DOCK1: variants seen among roughly 807,000 people sequenced by gnomAD.
DOCK1 encodes dedicator of cytokinesis 1.
A neutral mutation model predicts 262.7 loss-of-function variants in DOCK1; 138 were observed. The observed-to-expected ratio is 0.53, with a 90% CI of 0.46 to 0.61. DOCK1 has a LOEUF of 0.61. Among genes scored for constraint, DOCK1 ranks in the 20% least tolerant of loss-of-function variants. The pLI is 0.00. For synonymous variants in DOCK1, 866 were observed against 867.4 expected (o/e 1.00, Z 0.03); for missense variants, 1,908 against 2,370.7 (o/e 0.80, Z 4.05).
chr10:127,165,856 C>G (rs1420516135), intron 27 of DOCK1, among the ~76,000 whole-genome samples: 1 of 152,034 alleles, frequency 6.6e-6, no homozygotes, highest in Non-Finnish European at 1.5e-5. Flanking sequence ...CAGATCCTTC[C>G]CAATACACTT....
chr10:126,992,556 A>G (rs1394211970), intron 6 of DOCK1, among the ~76,000 whole-genome samples: 1 of 152,166 alleles, frequency 6.6e-6, no homozygotes, highest in Non-Finnish European at 1.5e-5. Context: ...TTAATAAGGA[A>G]AAGATGTTTT....
At chr10:126,909,292 T>C (rs1233602904) in intron 1 of DOCK1, among the ~76,000 whole-genome samples, 2 of 152,126 alleles carry the variant, frequency 1.3e-5, no homozygotes, top group Non-Finnish European at 2.9e-5. Context: ...GCCAACACCC[T>C]GAATGAGCTT....
intron 29 of DOCK1, among the ~76,000 whole-genome samples, chr10:127,309,674 C>G (rs2135487667): frequency 6.6e-6 from 1 of 152,292 alleles, no homozygotes; most frequent in East Asian, 1.9e-4. Context: ...CCAGTTCTCT[C>G]AGCACCATTT....
chr10:127,330,780 C>G (rs186894927), intron 29 of DOCK1, among the ~76,000 whole-genome samples: 23 of 152,236 alleles, frequency 1.5e-4, no homozygotes, highest in Admixed American at 1.4e-3. Flanking sequence ...TATACATAAT[C>G]AATAAGCTAT....
chr10:126,996,912 A>G (rs764465209), intron 7 of DOCK1, 29 bp downstream of exon 7: 1 of 1,545,092 alleles, frequency 6.5e-7, no homozygotes, highest in Non-Finnish European at 8.7e-7. Context: ...TATGCCATTC[A>G]CGTTTTCTCA....
chr10:127,386,837 G>A (rs1430519899), intron 38 of DOCK1, among the ~76,000 whole-genome samples: 5 of 152,266 alleles, frequency 3.3e-5, no homozygotes, highest in East Asian at 3.9e-4. Flanking sequence ...GTTGGGGACC[G>A]CTGCTGTAGT....
chr10:127,038,910 G>C (rs2043836534), intron 19 of DOCK1, among the ~76,000 whole-genome samples: 1 of 152,170 alleles, frequency 6.6e-6, no homozygotes, highest in African/African-American at 2.4e-5. Context: ...AGTCGATTCT[G>C]TTTTTGGCTA....
intron 29 of DOCK1, among the ~76,000 whole-genome samples, chr10:127,285,145 A>G (rs2061103185): frequency 6.6e-6 from 1 of 152,180 alleles, no homozygotes. Flanking sequence ...CAACATAAAT[A>G]ATAAATCAAT....
intron 23 of DOCK1, among the ~76,000 whole-genome samples, chr10:127,092,397 C>T (rs543535946): frequency 2.2e-4 from 34 of 152,322 alleles, no homozygotes; most frequent in Non-Finnish European, 3.7e-4. Context: ...GCACTGGCCG[C>T]CCTCTGTGCC....
chr10:127,288,793 A>C (rs1209714200), intron 29 of DOCK1, among the ~76,000 whole-genome samples: 1 of 150,628 alleles, frequency 6.6e-6, no homozygotes, highest in Non-Finnish European at 1.5e-5. Flanking sequence ...ACACACACAC[A>C]CACACACACA....
intron 32 of DOCK1, among the ~76,000 whole-genome samples, chr10:127,357,455 C>T (rs535386363): frequency 6.6e-6 from 1 of 152,248 alleles, no homozygotes; most frequent in East Asian, 1.9e-4. Context: ...ACACTTGGGT[C>T]TGACACAGAG....
chr10:127,079,993 A>G (rs1291091236), intron 23 of DOCK1, among the ~76,000 whole-genome samples: 2 of 152,174 alleles, frequency 1.3e-5, no homozygotes, highest in Non-Finnish European at 1.5e-5. Flanking sequence ...TGTTAAATTC[A>G]GTGGAGCAAG....
In DOCK1 at chr10:127,350,061, C is replaced by A. The variant is rs1286938889; in HGVS notation, c.3225-4608C>A. 2.0e-5 allele frequency among the ~76,000 whole-genome samples: 3 copies of A among 152,196 alleles called. No individual in the cohort carries two copies. The East Asian group carries it at 5.8e-4, about 29-fold the overall frequency. ...ACAATCCAACCCACACTAGTCATGA[C>A]CAATAGACTTTTCTTTTCTTTTTTC... On this transcript the variant is annotated intron_variant, in intron 31 of 51. Transcript: ENST00000623213.
intron 31 of DOCK1, among the ~76,000 whole-genome samples, chr10:127,351,057 G>A (rs1243945778): frequency 1.3e-5 from 2 of 152,126 alleles, no homozygotes; most frequent in Non-Finnish European, 2.9e-5. Context: ...TTACCCCCAA[G>A]CCTGAGCTAT....
intron 33 of DOCK1, among the ~76,000 whole-genome samples, chr10:127,370,994 C>G (rs2134013457): frequency 6.6e-6 from 1 of 152,320 alleles, no homozygotes; most frequent in Non-Finnish European, 1.5e-5. Context: ...TAAACCCTTG[C>G]TAATTTTATC....
intron 31 of DOCK1, among the ~76,000 whole-genome samples, chr10:127,347,832 GCCTTC>G (rs762273476): frequency 0.035 from 1,999 of 57,544 alleles, 282 homozygotes; most frequent in Admixed American, 0.057. Context: ...CAACCCCTCA[GCCTTC>G]CCTTCCCTTC....
At chr10:127,113,074 A>G (rs1309692076) in intron 25 of DOCK1, among the ~76,000 whole-genome samples, 1 of 152,186 alleles carries the variant, frequency 6.6e-6, no homozygotes, top group African/African-American at 2.4e-5. Flanking sequence ...CTTTGGTATA[A>G]CAATTTAAAG....
chr10:127,098,243 T>A (rs73374786), intron 23 of DOCK1, among the ~76,000 whole-genome samples: 10,273 of 152,170 alleles, frequency 0.068, 893 homozygotes, highest in African/African-American at 0.2. Context: ...ACAGGAAAAA[T>A]CTTCAATGTC....
intron 4 of DOCK1, 146 bp from the exon 5 acceptor site, chr10:126,987,375 T>C (rs1471292949): frequency 3.3e-6 from 2 of 611,456 alleles, no homozygotes; most frequent in Non-Finnish European, 5.8e-6. Context: ...TATGTATTTA[T>C]ATGTGTGCAT....
Sources: gnomAD v4.1 joint callset for allele counts (sites outside exome capture counted in the v4.1 genomes callset) on GRCh38, gnomAD v4.1.1 for gene constraint, MANE v1.5 for transcripts, NCBI Gene and HGNC (gene_info 2026-07-23, HGNC 2026-07-21) for gene names.